TMCO6: variants seen among roughly 807,000 people sequenced by gnomAD.
The protein encoded by TMCO6 is transmembrane and coiled-coil domains 6, also known as transmembrane and coiled-coil domain-containing protein 6.
TMCO6 carries 47 observed loss-of-function variants against 61.8 expected under a neutral mutation model. That is an observed-to-expected ratio of 0.76 (90% CI 0.60 to 0.97). The LOEUF is 0.97. Ranked by LOEUF, TMCO6 falls within the 50% of genes least tolerant of loss-of-function variation. The probability of loss-of-function intolerance (pLI) is 0.00; values close to 1 mark genes in which losing one functional copy is unlikely to be tolerated. For missense variants in TMCO6, 557 were observed against 601.6 expected, an observed-to-expected ratio of 0.93 and a Z score of 0.78; for synonymous variants, 261 against 254.2, an observed-to-expected ratio of 1.03 and a Z score of -0.25.
At chr5:140,635,535 AGAGGGG>A (rs559554171), upstream of TMCO6, among the ~76,000 whole-genome samples, 17 of 152,304 alleles carry the variant, frequency 1.1e-4, no homozygotes, top group Non-Finnish European at 2.5e-4. Context: ...TTCCAAGTTA[AGAGGGG>A]CAGTGATGGT....
the TMCO6 span, among the ~76,000 whole-genome samples, chr5:140,615,940 G>A: frequency 7.2e-4 from 110 of 152,242 alleles, 1 homozygote; most frequent in Middle Eastern, 3.4e-3. Flanking sequence ...AGACCAGCCT[G>A]GCCAACATGG....
chr5:140,628,450 T>TC, the TMCO6 span, among the ~76,000 whole-genome samples: 1 of 152,010 alleles, frequency 6.6e-6, no homozygotes, highest in African/African-American at 2.4e-5. Flanking sequence ...TCTTTTCTTT[T>TC]TTTTTTGAGA....
At chr5:140,644,923 TG>T in intron 11 of TMCO6, 61 bp from the exon 12 acceptor site, 1 of 1,565,898 alleles carries the variant, frequency 6.4e-7, no homozygotes, top group Non-Finnish European at 8.8e-7. Context: ...CCCATGAGGC[TG>T]TGGGAATTGA....
At chr5:140,636,322 TG>T (rs1756769368), upstream of TMCO6, among the ~76,000 whole-genome samples, 1 of 151,996 alleles carries the variant, frequency 6.6e-6, no homozygotes, top group Admixed American at 6.6e-5. Context: ...GAAGCTAGCC[TG>T]GGTTAGGTGC....
At position 140,642,570 on chromosome 5, in the gene TMCO6, C is replaced by G; in HGVS notation, c.604-16C>G. ...GACCCAGCTTCCAGTCAGATCCTTA[C>G]CCTGTCTACTTCCAGTCCCCCCATG... On this transcript the variant is annotated splice_polypyrimidine_tract_variant and intron_variant, in intron 5 of 11. Transcript: ENST00000394671. 1.2e-6 allele frequency: 2 copies of G among 1,613,984 alleles called. No homozygotes were observed. Among genetic ancestry groups the G allele is most frequent in the Non-Finnish European group, 1.7e-6 (2 of 1,179,824 alleles).
chr5:140,633,229 C>T, the TMCO6 span: 2,076 of 895,602 alleles, frequency 2.3e-3, 8 homozygotes, highest in Middle Eastern at 0.011. Context: ...TCATTCAGTT[C>T]CCTCCTCTGT....
chr5:140,639,060 G>A (rs924766126), upstream of TMCO6: 3 of 164,670 alleles, frequency 1.8e-5, no homozygotes, highest in South Asian at 4.0e-4. Flanking sequence ...ATTCAATGAC[G>A]CTTCAAGCGT....
At chr5:140,632,050 C>T in the TMCO6 span, 1 of 1,614,220 alleles carries the variant, frequency 6.2e-7, no homozygotes, top group African/African-American at 1.3e-5. This position sits in a 1 kb window ranked among gnomAD's most constrained non-coding sequence, Gnocchi z 6.2. Flanking sequence ...GGCTGCGGCG[C>T]CCTGTTCAGT....
the TMCO6 span, among the ~76,000 whole-genome samples, chr5:140,609,814 C>G: frequency 6.6e-6 from 1 of 151,998 alleles, no homozygotes; most frequent in African/African-American, 2.4e-5. Flanking sequence ...CTCTTCTCTT[C>G]TTTTGTTATA....
At chr5:140,616,989 G>A in the TMCO6 span, among the ~76,000 whole-genome samples, 15 of 151,980 alleles carry the variant, frequency 9.9e-5, no homozygotes, top group East Asian at 2.3e-3. Context: ...GTTGCTGTGA[G>A]CCGAGATCAT....
At chr5:140,617,154 A>G in the TMCO6 span, among the ~76,000 whole-genome samples, 8 of 152,132 alleles carry the variant, frequency 5.3e-5, no homozygotes, top group Non-Finnish European at 1.0e-4. Flanking sequence ...GGCTGGGTGC[A>G]GTGGCTAACA....
the TMCO6 span, among the ~76,000 whole-genome samples, chr5:140,620,711 G>A: frequency 6.6e-6 from 1 of 152,146 alleles, no homozygotes; most frequent in African/African-American, 2.4e-5. Context: ...GTCTTAATGG[G>A]TGTATGTGTG....
upstream of TMCO6, among the ~76,000 whole-genome samples, chr5:140,636,438 C>T (rs1280169020): frequency 2.0e-5 from 3 of 147,838 alleles, no homozygotes; most frequent in African/African-American, 7.6e-5. Context: ...TACTGCACTG[C>T]AGCGTGGGCA....
chr5:140,620,000 G>T, the TMCO6 span, among the ~76,000 whole-genome samples: 72 of 152,288 alleles, frequency 4.7e-4, 1 homozygote, highest in Middle Eastern at 6.8e-3. Context: ...TTACAAAACT[G>T]ATCATACTGT....
chr5:140,638,545 A>C (rs1756833655), upstream of TMCO6, among the ~76,000 whole-genome samples: 1 of 147,306 alleles, frequency 6.8e-6, no homozygotes, highest in East Asian at 2.0e-4. Flanking sequence ...CATATCCCAG[A>C]TTTCTTTCTT....
In TMCO6 at chr5:140,642,616, G is replaced by A. The variant is rs772921575; in HGVS notation, c.634G>A (p.Gly212Arg). The A allele has an allele frequency of 1.1e-5, 17 of 1,614,106 alleles. No homozygotes were observed. Among genetic ancestry groups the A allele is most frequent in the South Asian group, 1.1e-5 (1 of 91,094 alleles). Reference protein sequence around the residue: ...SPHVAVLEALGYALSQLLQAE... With the variant: ...SPHVAVLEALRYALSQLLQAE... ...CCATGTGGCTGTGCTGGAAGCTCTC[G>A]GATATGCCTTGTCCCAGCTTCTACA... The change falls in exon 6 of 12, where the codon GGA (glycine) becomes AGA (arginine). Residue 212 changes from glycine (G) to arginine (R), a missense_variant. By Grantham distance (125) the Gly-to-Arg change is moderately radical. Coordinates refer to ENST00000394671, the MANE Select transcript of TMCO6 (RefSeq NM_018502.5).
chr5:140,632,447 T>G, the TMCO6 span: 1 of 1,614,204 alleles, frequency 6.2e-7, no homozygotes, highest in East Asian at 2.2e-5. This position sits in a 1 kb window ranked among gnomAD's most constrained non-coding sequence, Gnocchi z 6.2. Context: ...GCGAGTGTGC[T>G]TGGGCAATGC....
the TMCO6 span, among the ~76,000 whole-genome samples, chr5:140,598,941 CA>C: frequency 6.6e-6 from 1 of 151,824 alleles, no homozygotes; most frequent in African/African-American, 2.4e-5. Flanking sequence ...ATCTCAAAAA[CA>C]AAAAAACCAA....
At chr5:140,616,515 T>A in the TMCO6 span, among the ~76,000 whole-genome samples, 3 of 151,546 alleles carry the variant, frequency 2.0e-5, no homozygotes, top group Non-Finnish European at 4.4e-5. Context: ...TGAGCTATGA[T>A]CACGCCACTG....
Sources: allele counts gnomAD v4.1 joint callset (sites outside exome capture counted in the v4.1 genomes callset), GRCh38; gene constraint gnomAD v4.1.1; non-coding constraint Gnocchi (gnomAD v3.1); transcripts MANE v1.5; gene names NCBI Gene and HGNC (gene_info 2026-07-23, HGNC 2026-07-21).